Variants in SAMD4A observed in about 807,000 individuals in gnomAD.
SAMD4A encodes sterile alpha motif domain containing 4A.
SAMD4A carries 33 observed loss-of-function variants against 81.3 expected under a neutral mutation model. The observed-to-expected ratio is 0.41, with a 90% confidence interval of 0.31 to 0.54. The LOEUF is 0.54. Among genes scored for constraint, SAMD4A ranks in the 20% least tolerant of loss-of-function variants. The probability of loss-of-function intolerance (pLI) is 0.37; values close to 1 mark genes in which losing one functional copy is unlikely to be tolerated. For missense variants in SAMD4A, 854 were observed against 951.1 expected (o/e 0.90, Z 1.34); for synonymous variants, 389 against 382.1 (o/e 1.02, Z -0.21).
intron 3 of SAMD4A, among the ~76,000 whole-genome samples, chr14:54,704,349 T>C (rs2036798033): frequency 6.6e-6 from 1 of 152,248 alleles, no homozygotes; most frequent in South Asian, 2.1e-4. Flanking sequence ...ATGCAAACTC[T>C]AAGCTGCCTG....
intron 2 of SAMD4A, among the ~76,000 whole-genome samples, chr14:54,608,614 T>C (rs1289439521): frequency 6.6e-5 from 10 of 152,122 alleles, no homozygotes; most frequent in Admixed American, 6.5e-4. Flanking sequence ...ACATAGTAGG[T>C]TATTGAGTTT....
intron 2 of SAMD4A, among the ~76,000 whole-genome samples, chr14:54,577,639 C>G (rs2033341292): frequency 6.6e-6 from 1 of 152,186 alleles, no homozygotes; most frequent in Non-Finnish European, 1.5e-5. Flanking sequence ...GCGCCCAAAG[C>G]CACTAAACTC....
At chr14:54,568,505 T>A (rs947459426) in intron 2 of SAMD4A, among the ~76,000 whole-genome samples, 3 of 151,450 alleles carry the variant, frequency 2.0e-5, no homozygotes, top group African/African-American at 7.3e-5. Context: ...CTCGCTGGAT[T>A]TCAGCAACAC....
chr14:54,611,790 T>C (rs1437960697), intron 2 of SAMD4A, among the ~76,000 whole-genome samples: 1 of 151,178 alleles, frequency 6.6e-6, no homozygotes, highest in Non-Finnish European at 1.5e-5. Context: ...GGCATGAGAA[T>C]CACTTGAACC....
chr14:54,777,871 A>G (rs1388235230), intron 11 of SAMD4A, among the ~76,000 whole-genome samples: 1 of 152,174 alleles, frequency 6.6e-6, no homozygotes, highest in South Asian at 2.1e-4. Context: ...AAATATAACA[A>G]TATAATTACA....
chr14:54,581,780 A>G (rs2033476470), intron 2 of SAMD4A, among the ~76,000 whole-genome samples: 1 of 152,256 alleles, frequency 6.6e-6, no homozygotes, highest in East Asian at 1.9e-4. Flanking sequence ...GTTTTTAAAG[A>G]GGTAAACCTA....
At chr14:54,652,210 G>A (rs1369744928) in intron 2 of SAMD4A, among the ~76,000 whole-genome samples, 5 of 152,194 alleles carry the variant, frequency 3.3e-5, no homozygotes, top group Non-Finnish European at 7.3e-5. Context: ...ATCTGCATTT[G>A]TGTGTTTCCT....
intron 4 of SAMD4A, among the ~76,000 whole-genome samples, chr14:54,737,542 CTT>C (rs758410575): frequency 2.7e-4 from 23 of 85,420 alleles, no homozygotes; most frequent in South Asian, 1.5e-3. Flanking sequence ...CTCTCTCTCT[CTT>C]TTTTTTTTTT....
intron 2 of SAMD4A, among the ~76,000 whole-genome samples, chr14:54,639,579 G>A (rs529754626): frequency 1.3e-4 from 20 of 152,286 alleles, no homozygotes; most frequent in East Asian, 3.9e-4. Flanking sequence ...CTGTTACGGC[G>A]GGCAGTACTT....
At chr14:54,587,322 T>G (rs2033650169) in intron 2 of SAMD4A, among the ~76,000 whole-genome samples, 8 of 152,166 alleles carry the variant, frequency 5.3e-5, no homozygotes, top group Admixed American at 5.2e-4. Context: ...TCTAGGAGCT[T>G]TTTGGATGAG....
intron 2 of SAMD4A, among the ~76,000 whole-genome samples, chr14:54,635,968 G>A (rs142801841): frequency 3.1e-4 from 47 of 152,268 alleles, no homozygotes; most frequent in South Asian, 1.7e-3. Flanking sequence ...CCTTTCCCTC[G>A]TGGAGCTTAC....
At chr14:54,780,097 C>A (rs1009693066) in intron 11 of SAMD4A, among the ~76,000 whole-genome samples, 1 of 152,114 alleles carries the variant, frequency 6.6e-6, no homozygotes, top group Admixed American at 6.5e-5. Flanking sequence ...TTCTTTACCC[C>A]CTGGAGGGCC....
chr14:54,744,064 G>A (rs1348763831), intron 4 of SAMD4A, among the ~76,000 whole-genome samples: 1 of 152,152 alleles, frequency 6.6e-6, no homozygotes, highest in Non-Finnish European at 1.5e-5. Flanking sequence ...GCTTTTGAGA[G>A]CAGTCTGGCT....
chr14:54,623,839 G>A (rs1327481126), intron 2 of SAMD4A, among the ~76,000 whole-genome samples: 4 of 152,122 alleles, frequency 2.6e-5, no homozygotes, highest in East Asian at 1.9e-4. Context: ...GACTATGGCT[G>A]CCCAGGGCCC....
At chr14:54,644,322 G>T (rs2035238830) in intron 2 of SAMD4A, among the ~76,000 whole-genome samples, 1 of 152,094 alleles carries the variant, frequency 6.6e-6, no homozygotes. Context: ...ACTTCTAATA[G>T]ATTTAAAATA....
Position 54,775,048 on chromosome 14 carries a change from C to T in SAMD4A, c.1830C>T (p.Arg610=), listed in dbSNP as rs773882145. Reference sequence around the variant, plus strand: ...CCTCTCGGAACGTCCCTTCCGCCCGCCTGGGCCTCTTGGGCACCAGTGGAT... The same window carrying T: ...CCTCTCGGAACGTCCCTTCCGCCCGTCTGGGCCTCTTGGGCACCAGTGGAT... ...QIPSRNVPSA[R]LGLLGTSGFV... The change falls in exon 10 of 13, where the codon CGC becomes CGT. Residue 610 remains arginine, a synonymous_variant. Transcript: ENST00000554335. 5.0e-6 allele frequency: 8 copies of T among 1,614,100 alleles called. No homozygotes were observed. In the South Asian group the frequency reaches 8.8e-5, roughly 18 times the overall value.
intron 6 of SAMD4A, among the ~76,000 whole-genome samples, chr14:54,756,381 C>G (rs1226902767): frequency 6.6e-6 from 1 of 152,190 alleles, no homozygotes; most frequent in Non-Finnish European, 1.5e-5. Flanking sequence ...GTCCTGTCAT[C>G]CTTTGTTCCT....
At chr14:54,742,700 AACTG>A (rs1254378420) in intron 4 of SAMD4A, among the ~76,000 whole-genome samples, 1 of 150,760 alleles carries the variant, frequency 6.6e-6, no homozygotes, top group African/African-American at 2.5e-5. Context: ...AATCAACACC[AACTG>A]AGTATGCTTA....
intron 6 of SAMD4A, among the ~76,000 whole-genome samples, chr14:54,759,251 T>C (rs148879322): frequency 9.8e-5 from 15 of 152,324 alleles, no homozygotes; most frequent in African/African-American, 3.6e-4. Context: ...CATCTTAGAC[T>C]AGATTTCAGC....
Sources: allele counts gnomAD v4.1 joint callset (sites outside exome capture counted in the v4.1 genomes callset), GRCh38; gene constraint gnomAD v4.1.1; transcripts MANE v1.5; gene names NCBI Gene and HGNC (gene_info 2026-07-23, HGNC 2026-07-21).